Variants in FHIT observed in about 807,000 individuals in gnomAD.
FHIT encodes the protein fragile histidine triad diadenosine triphosphatase.
FHIT carries 19 observed loss-of-function variants against 17.9 expected under a neutral mutation model. That is an observed-to-expected ratio of 1.06 (90% CI 0.74 to 1.56). The LOEUF (loss-of-function observed/expected upper bound fraction) is 1.56. Ranked by LOEUF, FHIT falls within the 40% of genes most tolerant of loss-of-function variation. The pLI is 0.00. For missense variants in FHIT, 248 were observed against 189.2 expected (o/e 1.31, Z -1.82); for synonymous variants, 81 against 69.7 (o/e 1.16, Z -0.81).
chr3:60,816,601 A>G (rs1280975075), intron 4 of FHIT, among the ~76,000 whole-genome samples: 3 of 152,068 alleles, frequency 2.0e-5, no homozygotes, highest in African/African-American at 7.2e-5. Context: ...ATCATGGTAA[A>G]TTAACCTTTT....
chr3:60,493,709 C>A (rs981325438), intron 5 of FHIT, among the ~76,000 whole-genome samples: 2 of 152,002 alleles, frequency 1.3e-5, no homozygotes, highest in Non-Finnish European at 2.9e-5. Flanking sequence ...CAAATTGAAA[C>A]AATGTTGAAC....
chr3:60,934,052 A>C (rs1708080656), intron 3 of FHIT, among the ~76,000 whole-genome samples: 1 of 152,166 alleles, frequency 6.6e-6, no homozygotes, highest in Admixed American at 6.5e-5. Flanking sequence ...TTAATCTCCA[A>C]CTTGTCATCA....
intron 5 of FHIT, among the ~76,000 whole-genome samples, chr3:60,400,847 A>G (rs1485997348): frequency 6.6e-6 from 1 of 152,176 alleles, no homozygotes; most frequent in East Asian, 1.9e-4. Context: ...CAAAGTCTCT[A>G]AAAAACAAAA....
intron 8 of FHIT, among the ~76,000 whole-genome samples, chr3:59,905,817 A>AC (rs1482224955): frequency 2.6e-5 from 4 of 152,222 alleles, no homozygotes; most frequent in African/African-American, 4.8e-5. Flanking sequence ...GACATTTAGC[A>AC]CCTCAAAAAG....
chr3:60,385,584 C>A (rs559833491), intron 5 of FHIT, among the ~76,000 whole-genome samples: 1 of 152,056 alleles, frequency 6.6e-6, no homozygotes, highest in Non-Finnish European at 1.5e-5. Flanking sequence ...TTATATAATA[C>A]AATTTTTGTA....
In FHIT at chr3:60,953,862, G is replaced by A. The variant is rs371328217; in HGVS notation, c.-111+88185C>T. Among the ~76,000 whole-genome samples, 42 of 152,178 alleles carry A rather than the reference G, an allele frequency of 2.8e-4. 1 individual carries two copies. Among genetic ancestry groups the A allele is most frequent in the Non-Finnish European group, 2.4e-4 (16 of 68,028 alleles). ...TTCCCTGCTGGTCTTTCAATGTCAC[G>A]GAAAGATGTCCATTATAGTTCTATG... On this transcript the variant is annotated intron_variant, in intron 3 of 9. Transcript: ENST00000492590.
At chr3:60,070,770 G>C (rs185614015) in intron 5 of FHIT, among the ~76,000 whole-genome samples, 3 of 152,288 alleles carry the variant, frequency 2.0e-5, no homozygotes, top group African/African-American at 7.2e-5. Context: ...GAGGTTGCCT[G>C]GGTTTTCCTC....
chr3:60,162,048 T>C (rs1700963666), intron 5 of FHIT, among the ~76,000 whole-genome samples: 1 of 152,082 alleles, frequency 6.6e-6, no homozygotes, highest in Non-Finnish European at 1.5e-5. Flanking sequence ...AGGAGAAATG[T>C]ATGGGGAAAT....
intron 7 of FHIT, among the ~76,000 whole-genome samples, chr3:59,953,968 C>T (rs1273285004): frequency 1.3e-5 from 2 of 152,216 alleles, no homozygotes; most frequent in African/African-American, 4.8e-5. Flanking sequence ...AGAGCCCATC[C>T]TTTTCCCTTC....
intron 5 of FHIT, among the ~76,000 whole-genome samples, chr3:60,018,259 G>A (rs1202182539): frequency 1.3e-5 from 2 of 152,168 alleles, no homozygotes; most frequent in Non-Finnish European, 2.9e-5. Context: ...TAATAGAGCA[G>A]TAGAGAGCTC....
intron 4 of FHIT, among the ~76,000 whole-genome samples, chr3:60,569,187 T>C (rs1019372515): frequency 2.6e-5 from 4 of 152,094 alleles, no homozygotes; most frequent in African/African-American, 7.2e-5. Flanking sequence ...TCAGGCAGTA[T>C]CTTTAAAATA....
chr3:60,587,521 T>A (rs375569197), intron 4 of FHIT, among the ~76,000 whole-genome samples: 1 of 151,634 alleles, frequency 6.6e-6, no homozygotes, highest in African/African-American at 2.4e-5. Context: ...AAATAAAATT[T>A]AAAAAAAACT....
At chr3:61,106,960 A>T (rs1408669211) in intron 2 of FHIT, among the ~76,000 whole-genome samples, 1 of 152,168 alleles carries the variant, frequency 6.6e-6, no homozygotes, top group Non-Finnish European at 1.5e-5. Flanking sequence ...TGCCTGGCCC[A>T]TCACATCATT....
At chr3:60,254,768 A>C (rs1705901670) in intron 5 of FHIT, among the ~76,000 whole-genome samples, 2 of 152,180 alleles carry the variant, frequency 1.3e-5, no homozygotes, top group African/African-American at 4.8e-5. Flanking sequence ...TATATGAGAC[A>C]GAAAGGACAG....
intron 4 of FHIT, among the ~76,000 whole-genome samples, chr3:60,781,845 A>C (rs2108097035): frequency 6.6e-6 from 1 of 152,344 alleles, no homozygotes; most frequent in South Asian, 2.1e-4. Flanking sequence ...ATTTTATTGA[A>C]TATAGACAAA....
At chr3:60,647,186 C>T (rs1378568132) in intron 4 of FHIT, among the ~76,000 whole-genome samples, 1 of 152,178 alleles carries the variant, frequency 6.6e-6, no homozygotes, top group Non-Finnish European at 1.5e-5. Flanking sequence ...ACTCTCTTTA[C>T]TTGCTTTAGC....
At chr3:61,158,912 C>T (rs576798144) in intron 2 of FHIT, among the ~76,000 whole-genome samples, 1 of 152,324 alleles carries the variant, frequency 6.6e-6, no homozygotes, top group East Asian at 1.9e-4. Flanking sequence ...ACAAGCCCTT[C>T]TCCACTGCTG....
chr3:60,031,186 C>A (rs1374979028), intron 5 of FHIT, among the ~76,000 whole-genome samples: 2 of 146,152 alleles, frequency 1.4e-5, no homozygotes, highest in Non-Finnish European at 1.5e-5. Context: ...ATTGTGAATG[C>A]AAGTCTGGTG....
At chr3:60,082,106 C>T (rs1703311256) in intron 5 of FHIT, among the ~76,000 whole-genome samples, 1 of 151,452 alleles carries the variant, frequency 6.6e-6, no homozygotes, top group Admixed American at 6.6e-5. Flanking sequence ...AGCTCTTTTT[C>T]AATCCTTGAC....
Sources: gnomAD v4.1 joint callset for allele counts (sites outside exome capture counted in the v4.1 genomes callset) on GRCh38, gnomAD v4.1.1 for gene constraint, MANE v1.5 for transcripts, NCBI Gene and HGNC (gene_info 2026-07-23, HGNC 2026-07-21) for gene names.